The following ALPK2 variants were observed in gnomAD, a reference collection of about 807,000 sequenced individuals.
ALPK2 encodes the protein alpha-protein kinase 2.
ALPK2 carries 127 observed loss-of-function variants against 163.1 expected under a neutral mutation model. The observed-to-expected ratio is 0.78, with a 90% confidence interval of 0.67 to 0.90. The LOEUF (loss-of-function observed/expected upper bound fraction) is 0.90. Among genes scored for constraint, ALPK2 ranks in the 40% least tolerant of loss-of-function variants. ALPK2 has a pLI of 0.00. For synonymous variants in ALPK2, 953 were observed against 959.1 expected, an observed-to-expected ratio of 0.99 and a Z score of 0.12; for missense variants, 2,360 against 2,589.6, an observed-to-expected ratio of 0.91 and a Z score of 1.92.
At chr18:58,616,665 G>A (rs2052170608) in intron 1 of ALPK2, among the ~76,000 whole-genome samples, 1 of 152,200 alleles carries the variant, frequency 6.6e-6, no homozygotes, top group Non-Finnish European at 1.5e-5. Context: ...CCAACTCCAT[G>A]GGGACAGAAG....
In ALPK2 at chr18:58,536,333, A is replaced by C; in HGVS notation, c.3854T>G (p.Val1285Gly). ...VPDSLKADAV[V>G]PELAPSEIAA... ...TATTTCAGAGGGGGCCAATTCAGGC[A>C]CAACAGCATCTGCCTTTAGACTATC... The change falls in exon 5 of 13, where the codon GTG (valine) becomes GGG (glycine). Residue 1285 changes from valine to glycine, a missense_variant. Coordinates refer to ENST00000361673, the MANE Select transcript of ALPK2 (RefSeq NM_052947.4). 1 of 1,614,230 alleles carries C rather than the reference A, an allele frequency of 6.2e-7. No homozygotes were observed. The highest frequency in any genetic ancestry group is 8.5e-7 in the Non-Finnish European group (1 of 1,180,036).
At chr18:58,574,083 A>G (rs1268700558) in intron 4 of ALPK2, among the ~76,000 whole-genome samples, 2 of 152,076 alleles carry the variant, frequency 1.3e-5, no homozygotes, top group Non-Finnish European at 2.9e-5. Context: ...TTTTTTGGAG[A>G]TAATGAAGCA....
intron 3 of ALPK2, among the ~76,000 whole-genome samples, chr18:58,582,837 T>G (rs2051966286): frequency 6.6e-6 from 1 of 152,162 alleles, no homozygotes; most frequent in Non-Finnish European, 1.5e-5. Context: ...GATTCCAAGA[T>G]TTTCTGATTG....
rs554490597 is a variant in ALPK2, at chr18:58,605,691, T to C, written c.227+1631A>G. Among the ~76,000 whole-genome samples the C allele has an allele frequency of 3.9e-5, 6 of 152,266 alleles. No homozygotes were observed. In the East Asian group the frequency reaches 1.2e-3, roughly 29 times the overall value. ...CCTTACAGCTGGTTTCTAAGCTGAA[T>C]GGGATAAAGACGAGGAAGGGGAGAC... On this transcript the variant is annotated intron_variant, in intron 3 of 12. Transcript: ENST00000361673.
In ALPK2 at chr18:58,535,737, G is replaced by T; in HGVS notation, c.4450C>A (p.Pro1484Thr). ...SMKQEAEQIQ[P>T]EEAKTAIWQV... ...CAAATGGCAGTTTTTGCCTCCTCAG[G>T]TTGAATTTGTTCAGCCTCCTGCTTC... is the stretch of plus-strand genomic sequence containing the variant. The change falls in exon 5 of 13, where the codon CCT becomes ACT. Residue 1484 changes from proline (P) to threonine (T), a missense_variant. Pro to Thr is a conservative substitution (Grantham distance 38). Transcript: ENST00000361673. The T allele has an allele frequency of 1.2e-6, 2 of 1,613,986 alleles. No individual in the cohort carries two copies. Among genetic ancestry groups the T allele is most frequent in the Non-Finnish European group, 1.7e-6 (2 of 1,179,932 alleles).
At chr18:58,557,637 A>AGT (rs1305736776) in intron 4 of ALPK2, among the ~76,000 whole-genome samples, 1 of 148,618 alleles carries the variant, frequency 6.7e-6, no homozygotes, top group Non-Finnish European at 1.5e-5. Flanking sequence ...TATAAACTAT[A>AGT]GTGTGTGTGT....
intron 12 of ALPK2, 79 bp downstream of exon 12, chr18:58,497,970 C>A: frequency 1.5e-6 from 2 of 1,356,554 alleles, no homozygotes; most frequent in South Asian, 1.2e-5. Flanking sequence ...CTTTGCCCAC[C>A]TCAGCCTGAC....
rs1196514587 is a variant in ALPK2 at position 58,524,070 on chromosome 18, G to A, written c.5502-8C>T. ...GTGGAGTTGTCCCCTGCACTGCAAT[G>A]AGGAATATTCACATTGACACACTTC... On this transcript the variant is annotated splice_region_variant and splice_polypyrimidine_tract_variant and intron_variant, in intron 6 of 12. Transcript: ENST00000361673. The A allele has an allele frequency of 6.2e-7, 1 of 1,609,288 alleles. No homozygotes were observed. The highest frequency in any genetic ancestry group is 8.5e-7 in the Non-Finnish European group (1 of 1,176,736).
At chr18:58,598,617 G>A (rs780553615) in intron 3 of ALPK2, among the ~76,000 whole-genome samples, 24 of 152,284 alleles carry the variant, frequency 1.6e-4, no homozygotes, top group Non-Finnish European at 2.6e-4. Flanking sequence ...CTGCCCTCTC[G>A]CTACATCGTC....
intron 3 of ALPK2, among the ~76,000 whole-genome samples, chr18:58,584,277 C>T (rs896450276): frequency 2.6e-5 from 4 of 152,178 alleles, no homozygotes; most frequent in Admixed American, 6.5e-5. Flanking sequence ...GTGGCTGACA[C>T]GTCTTTGCTA....
chr18:58,516,405 T>C (rs1406155506), intron 9 of ALPK2, among the ~76,000 whole-genome samples: 1 of 152,192 alleles, frequency 6.6e-6, no homozygotes, highest in Admixed American at 6.5e-5. Context: ...CTATATTTTA[T>C]ACACTACCAT....
chr18:58,509,473 T>C (rs2051478546), intron 10 of ALPK2, among the ~76,000 whole-genome samples: 2 of 152,176 alleles, frequency 1.3e-5, no homozygotes, highest in South Asian at 4.1e-4. Context: ...ACTTCCACAA[T>C]GGTTGAACTA....
chr18:58,601,774 A>G (rs1324431648), intron 3 of ALPK2, among the ~76,000 whole-genome samples: 1 of 152,180 alleles, frequency 6.6e-6, no homozygotes, highest in Non-Finnish European at 1.5e-5. Context: ...AAGCCAGGGA[A>G]AACCAGCAGA....
intron 8 of ALPK2, 74 bp downstream of exon 8, chr18:58,523,732 T>C: frequency 6.3e-7 from 1 of 1,580,798 alleles, no homozygotes; most frequent in Non-Finnish European, 8.7e-7. Flanking sequence ...CTGCTTCTAC[T>C]CTTTCCTCTG....
At chr18:58,568,570 G>A (rs1421169864) in intron 4 of ALPK2, among the ~76,000 whole-genome samples, 2 of 152,080 alleles carry the variant, frequency 1.3e-5, no homozygotes, top group East Asian at 3.9e-4. Flanking sequence ...TCCGGGGTGG[G>A]GCTTGTATGT....
At position 58,536,244 on chromosome 18, in the gene ALPK2, T is replaced by A; in HGVS notation, c.3943A>T (p.Lys1315Ter). The change falls in exon 5 of 13, where the codon AAA becomes TAA. Residue 1315 changes from lysine (K) to a stop codon, truncating the protein, a stop_gained. Transcript: ENST00000361673. LOFTEE classifies it high-confidence loss of function. ...ACACTGATGGTGGGCTCTTCGCCTTTATGGCTTTCTCTGCTATCAGCAAGG... is the reference window on the plus strand; with the variant it reads ...ACACTGATGGTGGGCTCTTCGCCTTAATGGCTTTCTCTGCTATCAGCAAGG... ...SALADSRESH[K>*]GEEPTISVHW... 1 of 1,614,202 alleles carries A rather than the reference T, an allele frequency of 6.2e-7. No homozygotes were observed. The highest frequency in any genetic ancestry group is 8.5e-7 in the Non-Finnish European group (1 of 1,180,022).
intron 3 of ALPK2, among the ~76,000 whole-genome samples, chr18:58,605,497 T>C (rs946354483): frequency 2.0e-5 from 3 of 152,210 alleles, no homozygotes; most frequent in African/African-American, 7.2e-5. Flanking sequence ...GATGTTTGTG[T>C]GAATCAGAGA....
At chr18:58,506,606 G>C (rs2144115762) in intron 10 of ALPK2, among the ~76,000 whole-genome samples, 1 of 152,286 alleles carries the variant, frequency 6.6e-6, no homozygotes. Context: ...CTAAGACACA[G>C]TCCCTGCCTT....
At chr18:58,547,141 C>A (rs1489725935) in intron 4 of ALPK2, among the ~76,000 whole-genome samples, 3 of 152,136 alleles carry the variant, frequency 2.0e-5, no homozygotes, top group African/African-American at 7.2e-5. Flanking sequence ...TTAGATAACA[C>A]CTCTTGCTTC....
Sources: gnomAD v4.1 joint callset for allele counts (sites outside exome capture counted in the v4.1 genomes callset) on GRCh38, gnomAD v4.1.1 for gene constraint, MANE v1.5 for transcripts, NCBI Gene and HGNC (gene_info 2026-07-23, HGNC 2026-07-21) for gene names.